The following WIPF3 variants were observed in gnomAD, a reference collection of about 807,000 sequenced individuals.
WIPF3 encodes the protein WAS/WASL-interacting protein family member 3.
Under a neutral mutation model 38.9 loss-of-function variants are expected in WIPF3, and 33 were observed. The observed-to-expected ratio is 0.85, with a 90% CI of 0.64 to 1.14. WIPF3 has a LOEUF of 1.14. Ranked by LOEUF, WIPF3 falls within the 50% of genes most tolerant of loss-of-function variation. The pLI is 0.00. For missense variants in WIPF3, 711 were observed against 652.5 expected (o/e 1.09, Z -0.98); for synonymous variants, 324 against 269.3 (o/e 1.20, Z -1.99).
intron 2 of WIPF3, among the ~76,000 whole-genome samples, chr7:29,842,331 C>A (rs1784925182): frequency 1.3e-5 from 2 of 152,212 alleles, no homozygotes; most frequent in African/African-American, 4.8e-5. Context: ...GCTTGATAAT[C>A]ACTTTTTACC....
At chr7:29,817,392 TTTC>T (rs1412441631) in intron 1 of WIPF3, among the ~76,000 whole-genome samples, 16 of 152,142 alleles carry the variant, frequency 1.1e-4, no homozygotes, top group Non-Finnish European at 2.2e-4. Flanking sequence ...GCAGAAACCT[TTTC>T]TTCTATACAT....
chr7:29,828,103 T>G lies in WIPF3; in HGVS notation c.-57-6565T>G, dbSNP rs1407836231. ...TATGAGCCACTGCACCCAGCCCACA[T>G]GCTTTTGTCAGATGGTGGCAGTAAT... is the stretch of plus-strand genomic sequence containing the variant. On this transcript the variant is annotated intron_variant, in intron 1 of 8. Transcript: ENST00000242140. Among the ~76,000 whole-genome samples, 6 of 152,266 alleles carry G rather than the reference T, an allele frequency of 3.9e-5. No individual in the cohort carries two copies. In the East Asian group the frequency reaches 1.2e-3, roughly 29 times the overall value.
Position 29,915,482 on chromosome 7 carries a change from CA to C in WIPF3, c.*969del, listed in dbSNP as rs1177667970. Reference sequence around the variant, plus strand: ...GAAACATCGTGTGAAATACCTGCCACAAATACCTAGTGCCTCACTGCCCCCA... The same window carrying C: ...GAAACATCGTGTGAAATACCTGCCACAATACCTAGTGCCTCACTGCCCCCA... On this transcript the variant is annotated 3_prime_UTR_variant, in exon 9 of 9. Coordinates refer to ENST00000242140, the MANE Select transcript of WIPF3 (RefSeq NM_001080529.3). 1 of 152,124 alleles carries C rather than the reference CA, an allele frequency of 6.6e-6. No individual in the cohort carries two copies. The highest frequency in any genetic ancestry group is 1.5e-5 in the Non-Finnish European group (1 of 68,026). 9.4% of individuals were successfully genotyped at this position (152,124 alleles called of 1,614,324 possible). A position where few individuals can be genotyped will look rare whatever the true frequency, so the allele number is the denominator to read the frequency against.
rs1389661533 is a variant in WIPF3, at chr7:29,884,587, C to G, written c.1093C>G (p.Arg365Gly). The change falls in exon 5 of 9, where the codon CGA becomes GGA. Residue 365 changes from arginine to glycine, a missense_variant. Coordinates refer to ENST00000242140, the MANE Select transcript of WIPF3 (RefSeq NM_001080529.3). ...GTTCCTGCAGAAGAAGAGGCATGGC[C>G]GACCAGGTAAGGAGCGCTGCCTGGC... ...QPFLQKKRHG[R>G]PGAGGGKLNP... 1.1e-5 allele frequency: 17 copies of G among 1,604,672 alleles called. No individual in the cohort carries two copies. The highest frequency in any genetic ancestry group is 2.2e-5 in the East Asian group (1 of 44,620).
intron 1 of WIPF3, among the ~76,000 whole-genome samples, chr7:29,815,813 G>A (rs1282143913): frequency 6.6e-6 from 1 of 152,176 alleles, no homozygotes; most frequent in African/African-American, 2.4e-5. Flanking sequence ...CTGGTTTGGG[G>A]AGAATTATTT....
intron 7 of WIPF3, among the ~76,000 whole-genome samples, chr7:29,903,895 T>G (rs1786338155): frequency 6.6e-6 from 1 of 152,212 alleles, no homozygotes; most frequent in African/African-American, 2.4e-5. Flanking sequence ...CACAGCACAC[T>G]TGAGAGAATG....
intron 6 of WIPF3, among the ~76,000 whole-genome samples, chr7:29,888,800 C>T (rs1486974298): frequency 6.6e-6 from 1 of 152,200 alleles, no homozygotes; most frequent in African/African-American, 2.4e-5. Context: ...CAACAGATCC[C>T]AGAGCAGAAG....
intron 7 of WIPF3, among the ~76,000 whole-genome samples, chr7:29,892,170 T>C (rs1786037247): frequency 6.6e-6 from 1 of 152,158 alleles, no homozygotes; most frequent in Admixed American, 6.5e-5. Flanking sequence ...GCCCCAGAAT[T>C]AGGCTCCTTT....
intron 2 of WIPF3, among the ~76,000 whole-genome samples, chr7:29,850,841 A>G (rs115725622): frequency 0.012 from 1,851 of 150,186 alleles, 40 homozygotes; most frequent in African/African-American, 0.044. Context: ...CCTGTGTGTC[A>G]GGTGGACCTG....
Position 29,884,602 on chromosome 7 carries a change from C to T in WIPF3, c.1099+9C>T. The T allele has an allele frequency of 6.2e-7, 1 of 1,600,474 alleles. No homozygotes were observed. Among genetic ancestry groups the T allele is most frequent in the African/African-American group, 1.3e-5 (1 of 74,780 alleles). ...GAGGCATGGCCGACCAGGTAAGGAG[C>T]GCTGCCTGGCCCAGTGCCCCTGGTG... On this transcript the variant is annotated intron_variant, in intron 5 of 8. Coordinates refer to ENST00000242140, the MANE Select transcript of WIPF3 (RefSeq NM_001080529.3).
chr7:29,849,883 C>G (rs1352551386), intron 2 of WIPF3, among the ~76,000 whole-genome samples: 1 of 152,134 alleles, frequency 6.6e-6, no homozygotes, highest in Non-Finnish European at 1.5e-5. Flanking sequence ...ATGGAGTTTT[C>G]TAGAAAATTA....
At chr7:29,860,167 A>G (rs1785250818) in intron 2 of WIPF3, among the ~76,000 whole-genome samples, 1 of 152,238 alleles carries the variant, frequency 6.6e-6, no homozygotes, top group Non-Finnish European at 1.5e-5. Flanking sequence ...GAAAGTTTGT[A>G]AGGAAAAGTT....
At chr7:29,859,208 C>T (rs954983757) in intron 2 of WIPF3, among the ~76,000 whole-genome samples, 2 of 152,176 alleles carry the variant, frequency 1.3e-5, no homozygotes, top group African/African-American at 2.4e-5. Context: ...GCGAAGAATT[C>T]GTTCCATGCA....
At chr7:29,821,603 G>A (rs1435119170) in intron 1 of WIPF3, among the ~76,000 whole-genome samples, 1 of 152,120 alleles carries the variant, frequency 6.6e-6, no homozygotes, top group African/African-American at 2.4e-5. Flanking sequence ...ACCTTTAAAT[G>A]TATAGAATTA....
chr7:29,899,500 C>T (rs1261890320), intron 7 of WIPF3, among the ~76,000 whole-genome samples: 1 of 152,318 alleles, frequency 6.6e-6, no homozygotes, highest in East Asian at 1.9e-4. Context: ...TGGCTTATTT[C>T]CAGCTCTCAG....
At chr7:29,910,438 A>C (rs970653568) in intron 8 of WIPF3, among the ~76,000 whole-genome samples, 4 of 152,188 alleles carry the variant, frequency 2.6e-5, no homozygotes, top group African/African-American at 4.8e-5. Context: ...GACCAGCATT[A>C]TCCTGATACC....
chr7:29,878,823 G>C lies in WIPF3; in HGVS notation c.224-186G>C, dbSNP rs1785658493. On this transcript the variant is annotated intron_variant, in intron 3 of 8. Transcript: ENST00000242140. This position sits in a 1 kb window ranked among gnomAD's most constrained non-coding sequence, Gnocchi z 4.0. ...GGACTGGAGAGGGCAGGGCATGTGA[G>C]TCTACAGGGTATCAAGGCAGAGGGT... Among the ~76,000 whole-genome samples the C allele has an allele frequency of 6.6e-6, 1 of 152,192 alleles. No homozygotes were observed. Among genetic ancestry groups the C allele is most frequent in the Non-Finnish European group, 1.5e-5 (1 of 68,040 alleles).
Position 29,875,978 on chromosome 7 carries a change from G to A in WIPF3, c.223+16G>A, listed in dbSNP as rs566846958. 4 of 1,611,054 alleles carry A rather than the reference G, an allele frequency of 2.5e-6. No individual in the cohort carries two copies. The highest frequency in any genetic ancestry group is 1.7e-5 in the Admixed American group (1 of 59,958). On this transcript the variant is annotated intron_variant, in intron 3 of 8. Transcript: ENST00000242140. ...CAGATCGAGAGTAAGTGAGCAGCCG[G>A]GCCAGGCCTCCTGTGAGCCAAAGAC...
intron 8 of WIPF3, among the ~76,000 whole-genome samples, chr7:29,914,165 CACTGCCTTA>C (rs1786559022): frequency 6.6e-6 from 1 of 152,186 alleles, no homozygotes; most frequent in African/African-American, 2.4e-5. Context: ...CTTGCTTTTC[CACTGCCTTA>C]ACTTGGGGTC....
Sources: allele counts gnomAD v4.1 joint callset (sites outside exome capture counted in the v4.1 genomes callset), GRCh38; gene constraint gnomAD v4.1.1; non-coding constraint Gnocchi (gnomAD v3.1); transcripts MANE v1.5; gene names NCBI Gene and HGNC (gene_info 2026-07-23, HGNC 2026-07-21).